The following CPS1 variants were observed in gnomAD, a reference collection of about 807,000 sequenced individuals.
CPS1 encodes the protein carbamoyl-phosphate synthase [ammonia], mitochondrial.
Under a neutral mutation model 174.6 loss-of-function variants are expected in CPS1, and 109 were observed. The observed-to-expected ratio is 0.62, with a 90% CI of 0.53 to 0.73. The LOEUF (loss-of-function observed/expected upper bound fraction) is 0.73, where lower values mean the gene tolerates loss of function less well. CPS1 is among the 30% of genes least tolerant of loss of function. The probability of loss-of-function intolerance (pLI) is 0.00; values close to 1 mark genes in which losing one functional copy is unlikely to be tolerated. For synonymous variants in CPS1, 637 were observed against 632.0 expected, an observed-to-expected ratio of 1.01 and a Z score of -0.12; for missense variants, 1,689 against 1,821.9, an observed-to-expected ratio of 0.93 and a Z score of 1.33.
chr2:210,581,834 C>T (rs1697931708), intron 5 of CPS1, among the ~76,000 whole-genome samples: 1 of 152,120 alleles, frequency 6.6e-6, no homozygotes, highest in African/African-American at 2.4e-5. Context: ...TATTTCCTTC[C>T]ATGCAATAAT....
intron 17 of CPS1, among the ~76,000 whole-genome samples, chr2:210,605,915 G>A (rs1185394958): frequency 6.6e-6 from 1 of 151,734 alleles, no homozygotes; most frequent in East Asian, 1.9e-4. Flanking sequence ...AGATTTATAG[G>A]GCAGGGGAAA....
In CPS1 at chr2:210,505,681, C is replaced by G. The variant is rs778438904; in HGVS notation, c.3+27915C>G. ...AGAGGGCACCTGGAAAATTGGGTCA[C>G]TCCCACCCTAACACTTTGCTTTTCC... On this transcript the variant is annotated intron_variant, in intron 1 of 38. Coordinates refer to the CPS1 transcript ENST00000430249. 2.6e-5 allele frequency among the ~76,000 whole-genome samples: 4 copies of G among 152,340 alleles called. No homozygotes were observed. The South Asian group carries it at 8.3e-4, about 32-fold the overall frequency.
chr2:210,674,645 A>G, intron 34 of CPS1: 1 of 517,328 alleles, frequency 1.9e-6, no homozygotes. Context: ...AAGTAGATTA[A>G]ATAGAGAATA....
intron 24 of CPS1, among the ~76,000 whole-genome samples, chr2:210,640,426 T>A (rs1700184902): frequency 6.6e-6 from 1 of 152,206 alleles, no homozygotes; most frequent in African/African-American, 2.4e-5. Flanking sequence ...CTTTATACAT[T>A]AGCCAGAAAT....
At chr2:210,486,690 A>G (rs1574460120) in intron 1 of CPS1, among the ~76,000 whole-genome samples, 1 of 152,188 alleles carries the variant, frequency 6.6e-6, no homozygotes, top group Non-Finnish European at 1.5e-5. Context: ...TTGTATTTCC[A>G]TTAGAGACAG....
At chr2:210,665,625 A>T (rs1403600572) in intron 33 of CPS1, among the ~76,000 whole-genome samples, 1 of 151,874 alleles carries the variant, frequency 6.6e-6, no homozygotes, top group Non-Finnish European at 1.5e-5. Context: ...GATTTCCAAT[A>T]TCATCCATGT....
At position 210,528,866 on chromosome 2, in the gene CPS1, A is replaced by G. The variant is rs191908254; in HGVS notation, c.4-27853A>G. On this transcript the variant is annotated intron_variant, in intron 1 of 38. Transcript: ENST00000430249. The stretch of plus-strand genomic sequence containing the variant: ...GCTTCCTCGGAAAATTTGACAGGAC[A>G]TTGTGGCTAGCTGACTATGAGACAA... 6.9e-5 allele frequency among the ~76,000 whole-genome samples: 10 copies of G among 145,750 alleles called. No individual in the cohort carries two copies. In the East Asian group the frequency reaches 2.0e-3, roughly 29 times the overall value.
intron 1 of CPS1, among the ~76,000 whole-genome samples, chr2:210,563,978 G>C (rs927619084): frequency 2.6e-5 from 4 of 152,118 alleles, no homozygotes; most frequent in Non-Finnish European, 4.4e-5. Context: ...GAGTATTAAA[G>C]GGTAAAATTG....
At chr2:210,583,760 C>G (rs965911279) in intron 6 of CPS1, among the ~76,000 whole-genome samples, 9 of 152,132 alleles carry the variant, frequency 5.9e-5, no homozygotes, top group African/African-American at 2.2e-4. Flanking sequence ...GGTTTCATAT[C>G]ATTGGCTAAT....
chr2:210,589,949 G>A (rs910657586), intron 7 of CPS1, among the ~76,000 whole-genome samples, 157 bp from the exon 8 acceptor site: 4 of 151,856 alleles, frequency 2.6e-5, no homozygotes, highest in Middle Eastern at 6.8e-3. Flanking sequence ...CACCAAGCCC[G>A]GCCCCAAAGA....
intron 21 of CPS1, among the ~76,000 whole-genome samples, chr2:210,617,389 A>G (rs1158386095): frequency 6.6e-6 from 1 of 152,034 alleles, no homozygotes; most frequent in African/African-American, 2.4e-5. Context: ...TTAGAGAAGG[A>G]AAAATTTTGT....
intron 3 of CPS1, among the ~76,000 whole-genome samples, chr2:210,576,693 A>G (rs1292523663): frequency 6.6e-6 from 1 of 152,162 alleles, no homozygotes; most frequent in Non-Finnish European, 1.5e-5. Flanking sequence ...GGCACTTTGA[A>G]TTTTAATGCG....
chr2:210,495,522 A>G (rs1694969551), intron 1 of CPS1, among the ~76,000 whole-genome samples: 1 of 151,942 alleles, frequency 6.6e-6, no homozygotes, highest in South Asian at 2.1e-4. Context: ...GTCAGTACCC[A>G]CTCTGTCCCC....
chr2:210,497,069 G>A (rs1574468026), intron 1 of CPS1, among the ~76,000 whole-genome samples: 1 of 152,068 alleles, frequency 6.6e-6, no homozygotes, highest in Admixed American at 6.6e-5. Flanking sequence ...AGCAAACTTT[G>A]TGTAAGATCT....
intron 1 of CPS1, among the ~76,000 whole-genome samples, chr2:210,481,973 G>A (rs558466341): frequency 6.6e-6 from 1 of 152,320 alleles, no homozygotes; most frequent in African/African-American, 2.4e-5. Flanking sequence ...CAGCTGCAGA[G>A]AGGAGCTGGC....
chr2:210,584,713 G>A (rs1698049391), intron 6 of CPS1, among the ~76,000 whole-genome samples: 1 of 151,940 alleles, frequency 6.6e-6, no homozygotes, highest in Non-Finnish European at 1.5e-5. Flanking sequence ...CAAGTTTAGT[G>A]TCAATTTGAA....
chr2:210,509,465 T>C, intron 1 of CPS1, among the ~76,000 whole-genome samples: 2 of 152,164 alleles, frequency 1.3e-5, no homozygotes, highest in Admixed American at 1.3e-4. Flanking sequence ...CTTTGAAAAC[T>C]GGCACATGAT....
intron 1 of CPS1, among the ~76,000 whole-genome samples, chr2:210,547,215 C>T (rs1313854776): frequency 6.6e-6 from 1 of 151,994 alleles, no homozygotes; most frequent in African/African-American, 2.4e-5. Flanking sequence ...TTTTTTTGGT[C>T]AGTTAATATG....
In CPS1 at chr2:210,648,824, C is replaced by T. The variant is rs58927072; in HGVS notation, c.3404+284C>T. On this transcript the variant is annotated intron_variant, in intron 27 of 37. Transcript: ENST00000233072. The stretch of plus-strand genomic sequence containing the variant: ...GGTAGCTTTATATTAAAGAACAGGA[C>T]AATTTAAAAAAGACACACAAATTGA... 0.072 allele frequency among the ~76,000 whole-genome samples: 10,984 copies of T among 152,144 alleles called. 567 individuals carry two copies. The highest frequency in any genetic ancestry group is 0.27 in the East Asian group (1,378 of 5,142).
Sources: gnomAD v4.1 joint callset for allele counts (sites outside exome capture counted in the v4.1 genomes callset) on GRCh38, gnomAD v4.1.1 for gene constraint, MANE v1.5 for transcripts, NCBI Gene and HGNC (gene_info 2026-07-23, HGNC 2026-07-21) for gene names.